Variants in STXBP5L observed in about 807,000 individuals in gnomAD.
STXBP5L encodes syntaxin-binding protein 5-like.
Under a neutral mutation model 144.5 loss-of-function variants are expected in STXBP5L, and 65 were observed. That is an observed-to-expected ratio of 0.45 (90% CI 0.37 to 0.55). The LOEUF (loss-of-function observed/expected upper bound fraction) is 0.55. Among genes scored for constraint, STXBP5L ranks in the 20% least tolerant of loss-of-function variants. The pLI is 0.00. For missense variants in STXBP5L, 1,298 were observed against 1,405.5 expected, an observed-to-expected ratio of 0.92 and a Z score of 1.22; for synonymous variants, 505 against 469.6, an observed-to-expected ratio of 1.08 and a Z score of -0.97.
At chr3:121,008,278 C>T (rs990069462) in intron 3 of STXBP5L, among the ~76,000 whole-genome samples, 1 of 151,972 alleles carries the variant, frequency 6.6e-6, no homozygotes, top group Non-Finnish European at 1.5e-5. Flanking sequence ...ATAACTCATT[C>T]CTTTGCCAGC....
chr3:120,916,585 G>A (rs1428525709), intron 2 of STXBP5L, among the ~76,000 whole-genome samples: 2 of 152,168 alleles, frequency 1.3e-5, no homozygotes, highest in Admixed American at 6.5e-5. Context: ...ACAGCCGTGA[G>A]CCACCGCACC....
At chr3:121,023,178 A>G (rs1945686383) in intron 3 of STXBP5L, among the ~76,000 whole-genome samples, 1 of 152,148 alleles carries the variant, frequency 6.6e-6, no homozygotes, top group Non-Finnish European at 1.5e-5. Context: ...ACTTAGGAAT[A>G]TACTTAACCA....
intron 18 of STXBP5L, among the ~76,000 whole-genome samples, chr3:121,275,460 C>T (rs571510855): frequency 6.6e-6 from 1 of 152,184 alleles, no homozygotes; most frequent in Non-Finnish European, 1.5e-5. Flanking sequence ...TCCACATTTG[C>T]TGTTAAATTT....
chr3:121,105,337 A>T (rs1034430207), intron 5 of STXBP5L, among the ~76,000 whole-genome samples: 1 of 152,054 alleles, frequency 6.6e-6, no homozygotes, highest in Admixed American at 6.6e-5. Context: ...CAGAGGTTGC[A>T]GTGAGCCGAG....
intron 18 of STXBP5L, among the ~76,000 whole-genome samples, chr3:121,270,578 G>T (rs2050706691): frequency 6.6e-6 from 1 of 151,878 alleles, no homozygotes. Flanking sequence ...TCAGCCTCCT[G>T]AGTAGCTAGG....
chr3:121,039,088 G>C (rs1946962041), intron 3 of STXBP5L, among the ~76,000 whole-genome samples: 2 of 151,840 alleles, frequency 1.3e-5, no homozygotes, highest in Non-Finnish European at 2.9e-5. Flanking sequence ...TGTTTACACT[G>C]TTTGCATTTA....
chr3:121,214,177 T>C (rs1003672026), intron 10 of STXBP5L, among the ~76,000 whole-genome samples: 2 of 152,208 alleles, frequency 1.3e-5, no homozygotes, highest in Non-Finnish European at 2.9e-5. Context: ...CATTGATTTT[T>C]TTTGAAGGGT....
chr3:121,251,958 T>C (rs1400062308), intron 15 of STXBP5L, among the ~76,000 whole-genome samples: 2 of 152,218 alleles, frequency 1.3e-5, no homozygotes, highest in Non-Finnish European at 2.9e-5. Flanking sequence ...ACAGACTTTC[T>C]GTTGATGAAT....
chr3:121,184,295 T>C (rs1284470411), intron 9 of STXBP5L, among the ~76,000 whole-genome samples: 2 of 129,248 alleles, frequency 1.5e-5, no homozygotes, highest in African/African-American at 5.8e-5. Context: ...TCTAACCCAA[T>C]GTAAGGAAGT....
At chr3:121,038,990 GTA>G (rs1432238991) in intron 3 of STXBP5L, among the ~76,000 whole-genome samples, 1 of 151,622 alleles carries the variant, frequency 6.6e-6, no homozygotes, top group South Asian at 2.1e-4. Flanking sequence ...TAACCTATTT[GTA>G]TATATTTAAA....
At chr3:121,312,903 C>T (rs1440513325) in intron 19 of STXBP5L, among the ~76,000 whole-genome samples, 1 of 152,204 alleles carries the variant, frequency 6.6e-6, no homozygotes, top group Non-Finnish European at 1.5e-5. Flanking sequence ...TCAATTCTTT[C>T]CCCACCCTTC....
At chr3:121,049,655 T>C (rs1452012331) in intron 5 of STXBP5L, 1 of 154,138 alleles carries the variant, frequency 6.5e-6, no homozygotes, top group East Asian at 1.9e-4. Flanking sequence ...ATGGGTCTTA[T>C]CCTGCAAGGT....
chr3:121,088,189 T>C (rs539946299), intron 5 of STXBP5L, among the ~76,000 whole-genome samples: 1 of 143,704 alleles, frequency 7.0e-6, no homozygotes, highest in South Asian at 2.3e-4. Context: ...CGCAACCTAC[T>C]CATCTGACAA....
At position 121,404,037 on chromosome 3, in the gene STXBP5L, CT is replaced by C. The variant is rs2046942977; in HGVS notation, c.2588-3205del. Among the ~76,000 whole-genome samples, 6 of 152,246 alleles carry C rather than the reference CT, an allele frequency of 3.9e-5. No homozygotes were observed. In the South Asian group the frequency reaches 1.2e-3, roughly 32 times the overall value. ...TGGATCATACATTTATATTTATAGT[CT>C]GGACCTCTCCACAAATTCCTAACAT... On this transcript the variant is annotated intron_variant, in intron 22 of 26. Coordinates refer to ENST00000471454, the MANE Select transcript of STXBP5L (RefSeq NM_001308330.2).
chr3:121,304,073 T>C (rs962025993), intron 19 of STXBP5L, among the ~76,000 whole-genome samples: 15 of 151,024 alleles, frequency 9.9e-5, no homozygotes, highest in Admixed American at 5.3e-4. Context: ...AAGAATTCCA[T>C]GAAAACACTA....
intron 9 of STXBP5L, among the ~76,000 whole-genome samples, chr3:121,177,027 A>G (rs2046963692): frequency 6.6e-6 from 1 of 151,990 alleles, no homozygotes; most frequent in Non-Finnish European, 1.5e-5. Context: ...TTTTTAGGAA[A>G]TTTCTACTTT....
chr3:121,074,655 A>G (rs1192213749), intron 5 of STXBP5L, among the ~76,000 whole-genome samples: 1 of 152,124 alleles, frequency 6.6e-6, no homozygotes, highest in Non-Finnish European at 1.5e-5. Flanking sequence ...CGCTGGCAAA[A>G]TGCATCTTTA....
chr3:121,386,206 T>C (rs919877448), intron 22 of STXBP5L, among the ~76,000 whole-genome samples: 1 of 152,058 alleles, frequency 6.6e-6, no homozygotes, highest in African/African-American at 2.4e-5. Context: ...ATACTCCCCA[T>C]TTATAGGTTT....
chr3:121,019,401 C>T (rs1404998918), intron 3 of STXBP5L, among the ~76,000 whole-genome samples: 1 of 152,206 alleles, frequency 6.6e-6, no homozygotes, highest in Non-Finnish European at 1.5e-5. Context: ...CTTGTATCCT[C>T]CCTATACAAC....
Sources: allele counts gnomAD v4.1 joint callset (sites outside exome capture counted in the v4.1 genomes callset), GRCh38; gene constraint gnomAD v4.1.1; transcripts MANE v1.5; gene names NCBI Gene and HGNC (gene_info 2026-07-23, HGNC 2026-07-21).